The following HMCN1 variants were observed in gnomAD, a reference collection of about 807,000 sequenced individuals.
The protein encoded by HMCN1 is hemicentin-1.
In HMCN1, 321 loss-of-function variants were observed where a neutral mutation model predicts 625.9. The observed-to-expected ratio is 0.51, with a 90% confidence interval of 0.47 to 0.56. The LOEUF (loss-of-function observed/expected upper bound fraction) is 0.56, where lower values mean the gene tolerates loss of function less well. HMCN1 is among the 20% of genes least tolerant of loss of function. The pLI is 0.00. For missense variants in HMCN1, 6,588 were observed against 6,887.3 expected, an observed-to-expected ratio of 0.96 and a Z score of 1.54; for synonymous variants, 2,425 against 2,417.6, an observed-to-expected ratio of 1.00 and a Z score of -0.09.
chr1:185,956,521 G>A (rs1649644024), intron 11 of HMCN1, among the ~76,000 whole-genome samples: 2 of 152,196 alleles, frequency 1.3e-5, no homozygotes, highest in African/African-American at 4.8e-5. Context: ...GGTGAGGTAT[G>A]GTAGAAGTGG....
chr1:186,006,933 G>C (rs1653675099), intron 29 of HMCN1, among the ~76,000 whole-genome samples, 195 bp from the exon 30 acceptor site: 2 of 151,958 alleles, frequency 1.3e-5, no homozygotes, highest in Non-Finnish European at 2.9e-5. Context: ...ATCTCAAAGA[G>C]ATATTTATGA....
At chr1:185,893,009 G>C (rs1027194987) in intron 4 of HMCN1, among the ~76,000 whole-genome samples, 7 of 152,300 alleles carry the variant, frequency 4.6e-5, no homozygotes, top group Non-Finnish European at 1.0e-4. Context: ...ATATAATCTC[G>C]TGGTGCGCCG....
intron 59 of HMCN1, 24 bp from the exon 60 acceptor site, chr1:186,087,419 C>G: frequency 6.2e-7 from 1 of 1,607,024 alleles, no homozygotes; most frequent in Non-Finnish European, 8.5e-7. Context: ...AAAAGAAAAT[C>G]CTTCTGTTAT....
chr1:185,811,071 A>C (rs1483215368), intron 1 of HMCN1, among the ~76,000 whole-genome samples: 4 of 152,146 alleles, frequency 2.6e-5, no homozygotes, highest in Non-Finnish European at 1.5e-5. Context: ...TTCAATCTGA[A>C]ATTTTTTGTG....
intron 29 of HMCN1, 51 bp downstream of exon 29, chr1:186,003,895 T>A (rs766651079): frequency 1.3e-6 from 2 of 1,563,320 alleles, no homozygotes. Flanking sequence ...AGGAAAAAGA[T>A]GTGAAAAATG....
intron 1 of HMCN1, among the ~76,000 whole-genome samples, chr1:185,775,601 G>A (rs1196365292): frequency 6.6e-6 from 1 of 152,200 alleles, no homozygotes; most frequent in Non-Finnish European, 1.5e-5. Flanking sequence ...GAATCTGGAT[G>A]AAAGCCAGGT....
chr1:185,956,033 A>AT (rs1411140819), intron 11 of HMCN1, among the ~76,000 whole-genome samples: 1 of 152,094 alleles, frequency 6.6e-6, no homozygotes, highest in Non-Finnish European at 1.5e-5. Context: ...TCTAGAACTT[A>AT]TTTTTGCCAC....
intron 1 of HMCN1, among the ~76,000 whole-genome samples, chr1:185,821,916 TA>T (rs1660207281): frequency 6.8e-6 from 1 of 147,704 alleles, no homozygotes; most frequent in Admixed American, 6.8e-5. Context: ...TTTACAACAA[TA>T]GAAGAACCTC....
At chr1:185,740,071 T>C (rs575374026) in intron 1 of HMCN1, among the ~76,000 whole-genome samples, 3 of 152,246 alleles carry the variant, frequency 2.0e-5, no homozygotes, top group South Asian at 2.1e-4. Flanking sequence ...CAATGAGTGA[T>C]AGGAAGAAGT....
chr1:185,930,608 G>A (rs763350845), intron 10 of HMCN1, among the ~76,000 whole-genome samples: 11 of 152,094 alleles, frequency 7.2e-5, no homozygotes, highest in Non-Finnish European at 1.6e-4. Context: ...AAAAGCCCAA[G>A]TTCTACCAAT....
Position 186,123,116 on chromosome 1 carries a change from C to T in HMCN1, c.12395C>T (p.Ser4132Phe). ...SIRQRVLSSG[S>F]LQIAFVQPGD... ...CGCCAGCGCGTCCTCAGCTCTGGCTCTCTGCAAATAGCATTTGTCCAGCCT... is the reference window on the plus strand; with the variant it reads ...CGCCAGCGCGTCCTCAGCTCTGGCTTTCTGCAAATAGCATTTGTCCAGCCT... The change falls in exon 81 of 107, where the codon TCT (serine) becomes TTT (phenylalanine). Residue 4132 changes from serine (S) to phenylalanine (F), a missense_variant. This residue lies in a region of HMCN1 where 1,954 missense variants were observed against 2,013.1 expected (regional missense o/e 0.97). Transcript: ENST00000271588. 1 of 1,614,074 alleles carries T rather than the reference C, an allele frequency of 6.2e-7. No homozygotes were observed. The highest frequency in any genetic ancestry group is 8.5e-7 in the Non-Finnish European group (1 of 1,179,990).
At chr1:186,050,538 T>C (rs1052666715) in intron 42 of HMCN1, among the ~76,000 whole-genome samples, 4 of 151,992 alleles carry the variant, frequency 2.6e-5, no homozygotes, top group Non-Finnish European at 4.4e-5. Flanking sequence ...ACAGTGTTGT[T>C]CTCAGAAGAA....
At position 186,067,884 on chromosome 1, in the gene HMCN1, A is replaced by G. The variant is rs771148544; in HGVS notation, c.7756A>G (p.Thr2586Ala). 4 of 1,612,840 alleles carry G rather than the reference A, an allele frequency of 2.5e-6. No individual in the cohort carries two copies. The South Asian group carries it at 3.3e-5, about 13-fold the overall frequency. The change falls in exon 50 of 107, where the codon ACT becomes GCT. Residue 2586 changes from threonine to alanine, a missense_variant. Thr to Ala is a moderately conservative substitution (Grantham distance 58). Coordinates refer to ENST00000271588, the MANE Select transcript of HMCN1 (RefSeq NM_031935.3). Reference sequence around the variant, plus strand: ...TAGTGATGGCAACCCTGAAGATGTCACTGTCATCCTTAACAGCCCTACATC... The same window carrying G: ...TAGTGATGGCAACCCTGAAGATGTCGCTGTCATCCTTAACAGCCCTACATC... ...VGSDGNPEDV[T>A]VILNSPTSLV...
At chr1:186,034,057 A>G in intron 36 of HMCN1, among the ~76,000 whole-genome samples, 1 of 152,236 alleles carries the variant, frequency 6.6e-6, no homozygotes. Flanking sequence ...TAGGAAGATA[A>G]TCTCTAATTA....
chr1:185,915,598 C>T (rs888776436), intron 6 of HMCN1, among the ~76,000 whole-genome samples: 10 of 151,956 alleles, frequency 6.6e-5, no homozygotes, highest in African/African-American at 1.9e-4. Context: ...TGTACCCAAC[C>T]GCATGATTAT....
intron 2 of HMCN1, among the ~76,000 whole-genome samples, chr1:185,856,507 A>T (rs1662475624): frequency 6.6e-6 from 1 of 151,546 alleles, no homozygotes; most frequent in Non-Finnish European, 1.5e-5. Context: ...AAAAAAAGGA[A>T]ATTTTTTTTT....
intron 11 of HMCN1, among the ~76,000 whole-genome samples, chr1:185,947,795 T>C (rs1248906978): frequency 6.6e-6 from 1 of 152,256 alleles, no homozygotes. Flanking sequence ...AATGTATTCA[T>C]TGCCATTTAC....
intron 97 of HMCN1, among the ~76,000 whole-genome samples, chr1:186,164,140 C>A (rs536148842): frequency 6.6e-6 from 1 of 152,270 alleles, no homozygotes; most frequent in South Asian, 2.1e-4. Flanking sequence ...CCTAGTACCA[C>A]CCCCCTGCAT....
At chr1:185,747,453 G>C (rs1282634952) in intron 1 of HMCN1, among the ~76,000 whole-genome samples, 2 of 151,928 alleles carry the variant, frequency 1.3e-5, no homozygotes, top group Non-Finnish European at 2.9e-5. Flanking sequence ...CAAGTAGCTG[G>C]AACTACAGGC....
Sources: allele counts gnomAD v4.1 joint callset (sites outside exome capture counted in the v4.1 genomes callset), GRCh38; gene constraint gnomAD v4.1.1; regional missense constraint gnomAD v4.1.1; transcripts MANE v1.5; gene names NCBI Gene and HGNC (gene_info 2026-07-23, HGNC 2026-07-21).